The following RASGRF1 variants were observed in gnomAD, a reference collection of about 807,000 sequenced individuals.
RASGRF1 encodes the protein Ras protein specific guanine nucleotide releasing factor 1, also known as ras-specific guanine nucleotide-releasing factor 1.
In RASGRF1, 40 loss-of-function variants were observed where a neutral mutation model predicts 138.7. The ratio of observed to expected loss-of-function variants is 0.29; its 90% CI spans 0.22 to 0.38. RASGRF1 has a LOEUF of 0.38. Ranked by LOEUF, RASGRF1 falls within the 10% of genes least tolerant of loss-of-function variation. RASGRF1 has a pLI of 1.00. For missense variants in RASGRF1, 1,108 were observed against 1,650.4 expected (o/e 0.67, Z 5.69); for synonymous variants, 614 against 663.2 (o/e 0.93, Z 1.14).
intron 9 of RASGRF1, 97 bp from the exon 10 acceptor site, chr15:79,025,571 G>A (rs988164791): frequency 7.8e-6 from 11 of 1,406,408 alleles, no homozygotes; most frequent in African/African-American, 2.9e-5. Context: ...AGCAGCAGTG[G>A]GACAAGTCCA....
intron 26 of RASGRF1, 124 bp from the exon 27 acceptor site, chr15:78,962,360 G>A: frequency 1.6e-6 from 1 of 642,628 alleles, no homozygotes. Context: ...GGCATATGAG[G>A]CAAAAATGCA....
intron 23 of RASGRF1, among the ~76,000 whole-genome samples, chr15:78,982,022 G>C (rs2056044571): frequency 6.6e-6 from 1 of 152,174 alleles, no homozygotes; most frequent in Non-Finnish European, 1.5e-5. Flanking sequence ...AGAGGCGGGG[G>C]CTGAGTCAGG....
chr15:79,079,795 A>G (rs2057890371), intron 1 of RASGRF1, among the ~76,000 whole-genome samples: 1 of 152,216 alleles, frequency 6.6e-6, no homozygotes, highest in Non-Finnish European at 1.5e-5. Flanking sequence ...ACCAATCCTA[A>G]AATTTAAAAT....
rs548751844 is a variant in RASGRF1, at chr15:79,019,111, C to T, written c.1606+930G>A. Among the ~76,000 whole-genome samples the T allele has an allele frequency of 7.2e-5, 11 of 152,146 alleles. No individual in the cohort carries two copies. The East Asian group carries it at 2.1e-3, about 29-fold the overall frequency. On this transcript the variant is annotated intron_variant, in intron 11 of 26. Transcript: ENST00000558480. ...TGCCAAGCGTGTGTGTGGCAACCCC[C>T]AGGCCCATGCCCATCCCCATGCCAT...
At chr15:78,965,192 G>A (rs1223601803) in intron 26 of RASGRF1, among the ~76,000 whole-genome samples, 2 of 152,118 alleles carry the variant, frequency 1.3e-5, no homozygotes. Context: ...CAAGGATTGA[G>A]TATCATTTTA....
chr15:79,029,341 C>T (rs1595918318), intron 8 of RASGRF1, among the ~76,000 whole-genome samples: 1 of 152,204 alleles, frequency 6.6e-6, no homozygotes, highest in East Asian at 1.9e-4. Context: ...GTAATTAAAA[C>T]CACTTCTCTT....
intron 1 of RASGRF1, among the ~76,000 whole-genome samples, chr15:79,086,628 G>A (rs1347705863): frequency 6.6e-6 from 1 of 151,988 alleles, no homozygotes; most frequent in East Asian, 1.9e-4. Context: ...CTGAGGTTCT[G>A]GCTGCCAGGA....
rs2141723875 is a variant in RASGRF1, at chr15:79,006,309, C to T, written c.1952G>A (p.Arg651His). The change falls in exon 14 of 27, where the codon CGC becomes CAC. Residue 651 changes from arginine to histidine, a missense_variant. Around this residue, in one of 3 missense-constraint regions of RASGRF1, gnomAD observed 686 missense variants for 976.7 expected, o/e 0.70. Transcript: ENST00000558480. The surrounding 1 kb of genome is among the most constrained non-coding windows in gnomAD (Gnocchi z 4.0). ...ERLLERLTDL[R>H]FLSIDFLNTF... ...GTTGAGGAAGTCGATGCTCAGGAAGCGCAGGTCCGTCAGCCTCTCCAGCAG... is the reference window on the plus strand; with the variant it reads ...GTTGAGGAAGTCGATGCTCAGGAAGTGCAGGTCCGTCAGCCTCTCCAGCAG... 1.9e-6 allele frequency: 3 copies of T among 1,614,158 alleles called. No individual in the cohort carries two copies. The highest frequency in any genetic ancestry group is 2.5e-6 in the Non-Finnish European group (3 of 1,180,034).
chr15:78,995,958 C>T (rs1473511359), intron 19 of RASGRF1, among the ~76,000 whole-genome samples, 158 bp from the exon 20 acceptor site: 2 of 152,248 alleles, frequency 1.3e-5, no homozygotes. Flanking sequence ...CACTCTTCTT[C>T]CTGATGGTCC....
chr15:79,027,735 C>A lies in RASGRF1; in HGVS notation c.1381+6G>T. The stretch of plus-strand genomic sequence containing the variant: ...GGGCAGGGGAGACAGGGTGCAGAGG[C>A]CATACCTTGTCTCACAAAGGTCTGG... On this transcript the variant is annotated splice_donor_region_variant and intron_variant, in intron 9 of 26. Coordinates refer to ENST00000558480, the MANE Select transcript of RASGRF1 (RefSeq NM_001145648.3). The surrounding 1 kb of genome is among the most constrained non-coding windows in gnomAD (Gnocchi z 4.8). 2 of 1,614,006 alleles carry A rather than the reference C, an allele frequency of 1.2e-6. No individual in the cohort carries two copies. The highest frequency in any genetic ancestry group is 1.7e-6 in the Non-Finnish European group (2 of 1,179,854).
Position 79,090,604 on chromosome 15 carries a change from C to T in RASGRF1, c.-106G>A. ...CCTCTCTCTGGCGCTCGCTCGCTCG[C>T]TCCCTCTAGCTCTCCCCTCCCCCCA... On this transcript the variant is annotated 5_prime_UTR_variant, in exon 1 of 27. Coordinates refer to ENST00000558480, the MANE Select transcript of RASGRF1 (RefSeq NM_001145648.3). 1 of 1,456,498 alleles carries T rather than the reference C, an allele frequency of 6.9e-7. No individual in the cohort carries two copies. Among genetic ancestry groups the T allele is most frequent in the South Asian group, 1.3e-5 (1 of 78,000 alleles). 90.2% of individuals were successfully genotyped at this position (1,456,498 alleles called of 1,614,324 possible). A position where few individuals can be genotyped will look rare whatever the true frequency, so the allele number is the denominator to read the frequency against.
At chr15:79,016,608 T>C (rs531595229) in intron 12 of RASGRF1, among the ~76,000 whole-genome samples, 125 of 152,310 alleles carry the variant, frequency 8.2e-4, no homozygotes, top group African/African-American at 2.8e-3. Flanking sequence ...TCACTGGGGA[T>C]GTGAAAGGGC....
intron 5 of RASGRF1, among the ~76,000 whole-genome samples, chr15:79,044,384 T>C (rs1432859854): frequency 6.6e-6 from 1 of 152,228 alleles, no homozygotes; most frequent in African/African-American, 2.4e-5. Flanking sequence ...CTTTGGTGGT[T>C]CTCACCACAT....
chr15:78,978,215 C>CTTTTCTTTTCTTT (rs2055915117), intron 24 of RASGRF1, among the ~76,000 whole-genome samples: 5 of 79,344 alleles, frequency 6.3e-5, no homozygotes, highest in Admixed American at 1.7e-4. Context: ...TTTTTCTTTT[C>CTTTTCTTTTCTTT]TTTTGTTTTT....
chr15:78,962,941 T>A (rs1310429474), intron 26 of RASGRF1, among the ~76,000 whole-genome samples: 1 of 152,182 alleles, frequency 6.6e-6, no homozygotes, highest in Non-Finnish European at 1.5e-5. Flanking sequence ...ATTAAAACGC[T>A]AGGATTACAT....
rs925717076 is a variant in RASGRF1, at chr15:79,024,424, T to C, written c.1542+890A>G. ...ATATACACAAATATATACACACACA[T>C]GCATACACACACCACACACACAGAC... On this transcript the variant is annotated intron_variant, in intron 10 of 26. Transcript: ENST00000558480. Among the ~76,000 whole-genome samples, 4 of 148,128 alleles carry C rather than the reference T, an allele frequency of 2.7e-5. No homozygotes were observed. In the East Asian group the frequency reaches 8.1e-4, roughly 30 times the overall value.
intron 1 of RASGRF1, among the ~76,000 whole-genome samples, chr15:79,079,115 G>A (rs955247391): frequency 2.0e-5 from 3 of 152,318 alleles, no homozygotes; most frequent in South Asian, 2.1e-4. Flanking sequence ...TTCTGTCTGC[G>A]GAAGGGTCTC....
rs1205242394 is a variant in RASGRF1 at position 79,004,130 on chromosome 15, C to T, written c.2121G>A (p.Leu707=). ...LFASGQNNKL[L]YGEPPKSPRA... ...GCGGGGACTTGGGGGGTTCACCGTA[C>T]AGGAGCTTATTGTTCTGGCCACTGG... The change falls in exon 15 of 27, where the codon CTG becomes CTA. Residue 707 remains leucine, a synonymous_variant. Transcript: ENST00000558480. 1.9e-6 allele frequency: 3 copies of T among 1,609,552 alleles called. No individual in the cohort carries two copies. Among genetic ancestry groups the T allele is most frequent in the Middle Eastern group, 3.3e-4 (2 of 6,040 alleles).
Position 79,032,077 on chromosome 15 carries a change from A to G in RASGRF1, c.1152+46T>C, listed in dbSNP as rs2304991. On this transcript the variant is annotated intron_variant, in intron 7 of 26. Coordinates refer to ENST00000558480, the MANE Select transcript of RASGRF1 (RefSeq NM_001145648.3). The surrounding 1 kb of genome is among the most constrained non-coding windows in gnomAD (Gnocchi z 4.5). Reference sequence around the variant, plus strand: ...CCCACCGCCATGGTCCATCCCCCACACCTGCCTCCCTGACTCTACCCCACC... The same window carrying G: ...CCCACCGCCATGGTCCATCCCCCACGCCTGCCTCCCTGACTCTACCCCACC... The G allele has an allele frequency of 0.77, 1,209,191 of 1,580,374 alleles. 464,860 individuals are homozygous for G. Among genetic ancestry groups the G allele is most frequent in the Admixed American group, 0.82 (46,474 of 56,938 alleles).
Sources: gnomAD v4.1 joint callset for allele counts (sites outside exome capture counted in the v4.1 genomes callset) on GRCh38, gnomAD v4.1.1 for gene constraint, gnomAD v4.1.1 regional missense constraint, Gnocchi (gnomAD v3.1) non-coding constraint, MANE v1.5 for transcripts, NCBI Gene and HGNC (gene_info 2026-07-23, HGNC 2026-07-21) for gene names.